The following KRTAP10-9 variants were observed in gnomAD, a reference collection of about 807,000 sequenced individuals.
The protein encoded by KRTAP10-9 is keratin associated protein 10-9.
A neutral mutation model predicts 0.5 loss-of-function variants in KRTAP10-9; 1 was observed. That is an observed-to-expected ratio of 1.92 (90% CI 0.68 to 9.09). KRTAP10-9 has a LOEUF of 9.09. Among genes scored for constraint, KRTAP10-9 ranks in the 30% most tolerant of loss-of-function variants. KRTAP10-9 has a pLI of 0.13. For synonymous variants in KRTAP10-9, 199 were observed against 159.8 expected (o/e 1.25, Z -1.85); for missense variants, 391 against 376.4 (o/e 1.04, Z -0.32).
chr21:44,628,035 G>A lies in KRTAP10-9; in HGVS notation c.864G>A (p.Gln288=), dbSNP rs115379739. 2.1e-3 allele frequency: 3,366 copies of A among 1,612,782 alleles called. 68 individuals carry two copies. In the African/African-American group the frequency reaches 0.039, roughly 19 times the overall value. The part of the protein sequence containing the change: ...RPACYSFSSG[Q]KSSC ...CCTGCTACAGCTTCTCCTCAGGCCA[G>A]AAGTCCAGCTGCTGACGGTCATGTC... The change falls in exon 1 of 1, where the codon CAG becomes CAA. Residue 288 remains glutamine (Q), a synonymous_variant. Coordinates refer to ENST00000397911, the MANE Select transcript of KRTAP10-9 (RefSeq NM_198690.3).
In KRTAP10-9 at chr21:44,627,233, A is replaced by C. The variant is rs782083605; in HGVS notation, c.62A>C (p.Asp21Ala). Reference sequence around the variant, plus strand: ...TACTCCGACTCCTGGCAGGTGGACGACTGCCCAGAGAGCTGCTGTGAGCCC... The same window carrying C: ...TACTCCGACTCCTGGCAGGTGGACGCCTGCCCAGAGAGCTGCTGTGAGCCC... ...SAYSDSWQVD[D>A]CPESCCEPPC... Residue 21 changes from aspartate (D) to alanine (A), a missense_variant, in exon 1 of 1, where the codon GAC (aspartate) becomes GCC (alanine). Asp to Ala is a moderately radical substitution (Grantham distance 126, BLOSUM62 -2). Transcript: ENST00000397911. 35 of 1,612,632 alleles carry C rather than the reference A, an allele frequency of 2.2e-5. No homozygotes were observed. Among genetic ancestry groups the C allele is most frequent in the Middle Eastern group, 2.0e-4 (1 of 5,016 alleles).
Position 44,627,978 on chromosome 21 carries a change from C to G in KRTAP10-9, c.807C>G (p.Ser269=). 1.3e-6 allele frequency: 2 copies of G among 1,529,554 alleles called. No homozygotes were observed. The highest frequency in any genetic ancestry group is 1.8e-6 in the Non-Finnish European group (2 of 1,124,592). 94.7% of individuals were successfully genotyped at this position (1,529,554 alleles called of 1,614,324 possible). A position where few individuals can be genotyped will look rare whatever the true frequency, so the allele number is the denominator to read the frequency against. Residue 269 remains serine, a synonymous_variant, in exon 1 of 1, where the codon TCC becomes TCG. Coordinates refer to ENST00000397911, the MANE Select transcript of KRTAP10-9 (RefSeq NM_198690.3). The stretch of plus-strand genomic sequence containing the variant: ...ATTGCCGCCAGGCCTCCTGTGTGTC[C>G]CTTCTCTGCCGCCCTGTGTGCTCCC... The part of the protein sequence containing the change: ...PSYCRQASCV[S]LLCRPVCSRP...
In KRTAP10-9 at chr21:44,628,150, G is replaced by C. The variant is rs1432510549; in HGVS notation, c.*100G>C. ...GCCTCAGCACAGCTCAACACAGAAG[G>C]AGCAGCCCCAGCCACAGCCGCCCAG... On this transcript the variant is annotated 3_prime_UTR_variant, in exon 1 of 1. Transcript: ENST00000397911. The C allele has an allele frequency of 1.3e-5, 18 of 1,427,222 alleles. No homozygotes were observed. The highest frequency in any genetic ancestry group is 2.4e-4 in the Middle Eastern group (1 of 4,254). 88.4% of individuals were successfully genotyped at this position (1,427,222 alleles called of 1,614,324 possible).
At position 44,627,894 on chromosome 21, in the gene KRTAP10-9, C is replaced by T. The variant is rs782195894; in HGVS notation, c.723C>T (p.Pro241=). Residue 241 remains proline, a synonymous_variant, in exon 1 of 1, where the codon CCC becomes CCT. Coordinates refer to ENST00000397911, the MANE Select transcript of KRTAP10-9 (RefSeq NM_198690.3). ...TCCTCTGCCGCCCTGTGTGCAGGCC[C>T]GCCTGCTGCGTGCCCGTCTCCTCCT... is the stretch of plus-strand genomic sequence containing the variant. ...VSLLCRPVCR[P]ACCVPVSSCC... 4.5e-5 allele frequency: 73 copies of T among 1,611,068 alleles called. No individual in the cohort carries two copies. Among genetic ancestry groups the T allele is most frequent in the Admixed American group, 3.5e-4 (21 of 59,824 alleles).
chr21:44,628,060 C>G lies in KRTAP10-9; in HGVS notation c.*10C>G, dbSNP rs374277192. On this transcript the variant is annotated 3_prime_UTR_variant, in exon 1 of 1. Transcript: ENST00000397911. ...GAAGTCCAGCTGCTGACGGTCATGTCCCCCAGGGCCAGCCGGGCTCAGGCC... is the reference window on the plus strand; with the variant it reads ...GAAGTCCAGCTGCTGACGGTCATGTGCCCCAGGGCCAGCCGGGCTCAGGCC... 2.9e-5 allele frequency: 47 copies of G among 1,604,938 alleles called. No homozygotes were observed. Among genetic ancestry groups the G allele is most frequent in the Non-Finnish European group, 3.6e-5 (42 of 1,174,472 alleles).
In KRTAP10-9 at chr21:44,627,891, G is replaced by A. The variant is rs1258508537; in HGVS notation, c.720G>A (p.Arg240=). ...SVSLLCRPVC[R]PACCVPVSSC... ...CCCTCCTCTGCCGCCCTGTGTGCAG[G>A]CCCGCCTGCTGCGTGCCCGTCTCCT... The change falls in exon 1 of 1, where the codon AGG becomes AGA. Residue 240 remains arginine (R), a synonymous_variant. Coordinates refer to ENST00000397911, the MANE Select transcript of KRTAP10-9 (RefSeq NM_198690.3). 16 of 1,611,286 alleles carry A rather than the reference G, an allele frequency of 9.9e-6. No homozygotes were observed. The highest frequency in any genetic ancestry group is 1.1e-5 in the Non-Finnish European group (13 of 1,178,480).
chr21:44,627,189 G>A lies in KRTAP10-9; in HGVS notation c.18G>A (p.Met6Ile). 1 of 1,612,818 alleles carries A rather than the reference G, an allele frequency of 6.2e-7. No individual in the cohort carries two copies. The highest frequency in any genetic ancestry group is 8.5e-7 in the Non-Finnish European group (1 of 1,179,892). Residue 6 changes from methionine (M) to isoleucine (I), a missense_variant, in exon 1 of 1, where the codon ATG becomes ATA. By Grantham distance (10) the Met-to-Ile change is conservative. Coordinates refer to ENST00000397911, the MANE Select transcript of KRTAP10-9 (RefSeq NM_198690.3). ...ACCCCAGCATGGCCGCGTCCACCAT[G>A]TCCATCCGCTCCAGCGCTTACTCCG... MAAST[M>I]SIRSSAYSDS... is the part of the protein sequence containing the mutation.
chr21:44,627,839 C>T lies in KRTAP10-9; in HGVS notation c.668C>T (p.Ser223Phe). ...TGCCAGCCGGCTTGCTGCACCACCTCCTGCTGCAGACCCTCCTCCTCTGTG... is the reference window on the plus strand; with the variant it reads ...TGCCAGCCGGCTTGCTGCACCACCTTCTGCTGCAGACCCTCCTCCTCTGTG... ...SGCQPACCTTSCCRPSSSVSL... is the reference protein window; with the variant it reads ...SGCQPACCTTFCCRPSSSVSL... The change falls in exon 1 of 1, where the codon TCC becomes TTC. Residue 223 changes from serine (S) to phenylalanine (F), a missense_variant. Transcript: ENST00000397911. 4 of 1,613,910 alleles carry T rather than the reference C, an allele frequency of 2.5e-6. No homozygotes were observed. In the South Asian group the frequency reaches 4.4e-5, roughly 18 times the overall value.
chr21:44,627,474 G>A lies in KRTAP10-9; in HGVS notation c.303G>A (p.Val101=). ...CCCCCTGCCAGCAGGCCTGCTGCGT[G>A]CCCGTCTGCTGCAAGCCTGTGTGCT... ...TSSPCQQACC[V]PVCCKPVCCV... Residue 101 remains valine (V), a synonymous_variant, in exon 1 of 1, where the codon GTG becomes GTA. Transcript: ENST00000397911. 3 of 1,542,934 alleles carry A rather than the reference G, an allele frequency of 1.9e-6. No homozygotes were observed. The highest frequency in any genetic ancestry group is 1.2e-5 in the South Asian group (1 of 80,952).
rs782074595 is a variant in KRTAP10-9 at position 44,627,636 on chromosome 21, C to A, written n.226+288C>A. The A allele has an allele frequency of 3.7e-6, 6 of 1,613,382 alleles. No homozygotes were observed. In the East Asian group the frequency reaches 1.1e-4, roughly 30 times the overall value. On this transcript the variant is annotated intron_variant and non_coding_transcript_variant, in intron 1 of 1. Coordinates refer to the KRTAP10-9 transcript ENST00000484861. ...AACCTGTGTGCTGTGCGCCCACCTGCTCTGAGGATTCCTATTCATGCTGCC... is the reference window on the plus strand; with the variant it reads ...AACCTGTGTGCTGTGCGCCCACCTGATCTGAGGATTCCTATTCATGCTGCC...
rs1404942321 is a variant in KRTAP10-9, at chr21:44,627,564, T to G, written c.393T>G (p.Cys131Trp). 1 of 1,610,424 alleles carries G rather than the reference T, an allele frequency of 6.2e-7. No individual in the cohort carries two copies. Among genetic ancestry groups the G allele is most frequent in the African/African-American group, 1.4e-5 (1 of 73,316 alleles). ...CQQSSYQPACCASSSCQPACC... is the reference protein window; with the variant it reads ...CQQSSYQPACWASSSCQPACC... ...AGTCTAGCTACCAGCCAGCTTGCTG[T>G]GCCTCTTCCTCCTGCCAGCCGGCCT... is the stretch of plus-strand genomic sequence containing the variant. The change falls in exon 1 of 1, where the codon TGT becomes TGG. Residue 131 changes from cysteine (C) to tryptophan (W), a missense_variant. Physicochemically the swap from Cys to Trp is radical, Grantham distance 215 (BLOSUM62 -2). Coordinates refer to ENST00000397911, the MANE Select transcript of KRTAP10-9 (RefSeq NM_198690.3).
In KRTAP10-9 at chr21:44,627,455, G is replaced by A. The variant is rs781824928; in HGVS notation, c.284G>A (p.Cys95Tyr). ...CQPAYCTSSPCQQACCVPVCC... is the reference protein window; with the variant it reads ...CQPAYCTSSPYQQACCVPVCC... Reference sequence around the variant, plus strand: ...CCGGCTTACTGCACCTCCTCCCCCTGCCAGCAGGCCTGCTGCGTGCCCGTC... The same window carrying A: ...CCGGCTTACTGCACCTCCTCCCCCTACCAGCAGGCCTGCTGCGTGCCCGTC... The change falls in exon 1 of 1, where the codon TGC becomes TAC. Residue 95 changes from cysteine (C) to tyrosine (Y), a missense_variant. Physicochemically the swap from Cys to Tyr is radical, Grantham distance 194. Transcript: ENST00000397911. The A allele has an allele frequency of 6.2e-7, 1 of 1,608,300 alleles. No individual in the cohort carries two copies. Among genetic ancestry groups the A allele is most frequent in the Non-Finnish European group, 8.5e-7 (1 of 1,177,060 alleles).
rs782011268 is a variant in KRTAP10-9 at position 44,627,347 on chromosome 21, A to G, written c.176A>G (p.Gln59Arg). 6 of 1,613,284 alleles carry G rather than the reference A, an allele frequency of 3.7e-6. No homozygotes were observed. In the African/African-American group the frequency reaches 4.0e-5, roughly 11 times the overall value. Residue 59 changes from glutamine to arginine, a missense_variant, in exon 1 of 1, where the codon CAG becomes CGG. Physicochemically the swap from Gln to Arg is conservative, Grantham distance 43 (BLOSUM62 1). Transcript: ENST00000397911. ...AGCCGTGTATCCAGCCCCTGCTGCC[A>G]GGTGACCTGTGAGCCCAGCCCCTGC... The part of the protein sequence containing the change: ...PVSRVSSPCC[Q>R]VTCEPSPCQS...
rs1555934959 is a variant in KRTAP10-9, at chr21:44,628,042, A to G, written c.871A>G (p.Ser291Gly). 1.9e-6 allele frequency: 3 copies of G among 1,611,896 alleles called. No individual in the cohort carries two copies. Among genetic ancestry groups the G allele is most frequent in the East Asian group, 4.5e-5 (2 of 44,834 alleles). Residue 291 changes from serine (S) to glycine (G), a missense_variant, in exon 1 of 1, where the codon AGC becomes GGC. Transcript: ENST00000397911. The part of the protein sequence containing the change: ...CYSFSSGQKS[S>G]C The stretch of plus-strand genomic sequence containing the variant: ...CAGCTTCTCCTCAGGCCAGAAGTCC[A>G]GCTGCTGACGGTCATGTCCCCCAGG...
Position 44,627,665 on chromosome 21 carries a change from A to G in KRTAP10-9, c.494A>G (p.Gln165Arg), listed in dbSNP as rs1555934770. Reference sequence around the variant, plus strand: ...GAGGATTCCTATTCATGCTGCCAACAGTCTAGCTGCCAGCCAGCTTGCTGC... The same window carrying G: ...GAGGATTCCTATTCATGCTGCCAACGGTCTAGCTGCCAGCCAGCTTGCTGC... ...CSEDSYSCCQQSSCQPACCTS... is the reference protein window; with the variant it reads ...CSEDSYSCCQRSSCQPACCTS... Residue 165 changes from glutamine (Q) to arginine (R), a missense_variant, in exon 1 of 1, where the codon CAG becomes CGG. By Grantham distance (43) the Gln-to-Arg change is conservative (BLOSUM62 1). Transcript: ENST00000397911. 1.9e-6 allele frequency: 3 copies of G among 1,612,710 alleles called. No individual in the cohort carries two copies. Among genetic ancestry groups the G allele is most frequent in the Admixed American group, 1.7e-5 (1 of 59,846 alleles).
In KRTAP10-9 at chr21:44,627,852, C is replaced by A; in HGVS notation, c.681C>A (p.Pro227=). 5 of 1,613,782 alleles carry A rather than the reference C, an allele frequency of 3.1e-6. No homozygotes were observed. Among genetic ancestry groups the A allele is most frequent in the Non-Finnish European group, 4.2e-6 (5 of 1,179,860 alleles). ...PACCTTSCCR[P]SSSVSLLCRP... is the part of the protein sequence containing the mutation. Reference sequence around the variant, plus strand: ...GCTGCACCACCTCCTGCTGCAGACCCTCCTCCTCTGTGTCCCTCCTCTGCC... The same window carrying A: ...GCTGCACCACCTCCTGCTGCAGACCATCCTCCTCTGTGTCCCTCCTCTGCC... Residue 227 remains proline (P), a synonymous_variant, in exon 1 of 1, where the codon CCC becomes CCA. Coordinates refer to ENST00000397911, the MANE Select transcript of KRTAP10-9 (RefSeq NM_198690.3).
At chr21:44,627,961 C>T (rs1416691214) in intron 1 of KRTAP10-9, 2 of 1,517,454 alleles carry the variant, frequency 1.3e-6, no homozygotes, top group Non-Finnish European at 9.0e-7. Flanking sequence ...CTATTGCCGC[C>T]AGGCCTCCTG....
chr21:44,627,200 C>T lies in KRTAP10-9; in HGVS notation c.29C>T (p.Ser10Phe), dbSNP rs782435326. Residue 10 changes from serine (S) to phenylalanine (F), a missense_variant, in exon 1 of 1, where the codon TCC (serine) becomes TTC (phenylalanine). By Grantham distance (155) the Ser-to-Phe change is radical. Transcript: ENST00000397911. Reference protein sequence around the residue: MAASTMSIRSSAYSDSWQVD... With the variant: MAASTMSIRFSAYSDSWQVD... ...GCCGCGTCCACCATGTCCATCCGCT[C>T]CAGCGCTTACTCCGACTCCTGGCAG... The T allele has an allele frequency of 6.2e-7, 1 of 1,613,046 alleles. No homozygotes were observed. Among genetic ancestry groups the T allele is most frequent in the Admixed American group, 1.7e-5 (1 of 60,022 alleles).
Position 44,628,317 on chromosome 21 carries a change from G to T in KRTAP10-9, c.*267G>T. The T allele has an allele frequency of 2.6e-6, 1 of 381,154 alleles. No homozygotes were observed. The allele number at this position is 381,154 out of a possible 1,614,324, so 23.6% of individuals were successfully genotyped here. On this transcript the variant is annotated 3_prime_UTR_variant, in exon 1 of 1. Transcript: ENST00000397911. ...GTTGGGGACGGGCCCTCCTGACCCG[G>T]GTCTCACCCCCAGCAGCGTCACCCT...
Sources: gnomAD v4.1 joint callset for allele counts on GRCh38, gnomAD v4.1.1 for gene constraint, MANE v1.5 for transcripts, NCBI Gene and HGNC (gene_info 2026-07-23, HGNC 2026-07-21) for gene names.